OSBP: variants seen among roughly 807,000 people sequenced by gnomAD.
OSBP encodes the protein oxysterol binding protein.
In OSBP, 32 loss-of-function variants were observed where a neutral mutation model predicts 96.6. That is an observed-to-expected ratio of 0.33 (90% CI 0.25 to 0.45). The LOEUF is 0.45. Among genes scored for constraint, OSBP ranks in the 20% least tolerant of loss-of-function variants. The pLI, the probability that OSBP is intolerant of heterozygous loss-of-function variation, is 1.00. For missense variants in OSBP, 653 were observed against 1,029.7 expected, an observed-to-expected ratio of 0.63 and a Z score of 5.01; for synonymous variants, 369 against 389.6, an observed-to-expected ratio of 0.95 and a Z score of 0.62.
chr11:59,585,447 C>A (rs1250502760), intron 9 of OSBP, among the ~76,000 whole-genome samples: 1 of 151,752 alleles, frequency 6.6e-6, no homozygotes, highest in Non-Finnish European at 1.5e-5. Flanking sequence ...GCAGCCGCCC[C>A]GTCTGAGAAG....
chr11:59,576,938 C>T lies in OSBP; in HGVS notation c.2148G>A (p.Arg716=). 3 of 1,614,178 alleles carry T rather than the reference C, an allele frequency of 1.9e-6. No individual in the cohort carries two copies. The highest frequency in any genetic ancestry group is 1.7e-6 in the Non-Finnish European group (2 of 1,180,032). The change falls in exon 13 of 14, where the codon CGG becomes CGA. Residue 716 remains arginine, a synonymous_variant. Coordinates refer to ENST00000263847, the MANE Select transcript of OSBP (RefSeq NM_002556.3). ...CCATCAGTCTCTGGTCAGGTCGTAA[C>T]CGGCTGTCTGTGGGGGCAGTGCCAC... ...WESGTAPTDS[R]LRPDQRLMEN...
chr11:59,612,177 A>C (rs900791969), intron 1 of OSBP, among the ~76,000 whole-genome samples: 1 of 152,188 alleles, frequency 6.6e-6, no homozygotes, highest in Non-Finnish European at 1.5e-5. Flanking sequence ...TTGTTGTTCA[A>C]TTTTTCACAT....
rs1218870076 is a variant in OSBP at position 59,601,383 on chromosome 11, G to A, written c.1024C>T (p.Gln342Ter). ...TPGNVGSGKD[Q>*]CCSGKGDMSD... Reference sequence around the variant, plus strand: ...ATGTCCCCTTTGCCAGAGCAGCACTGATCTACAAGAAGAAAAGCCCCATTT... The same window carrying A: ...ATGTCCCCTTTGCCAGAGCAGCACTAATCTACAAGAAGAAAAGCCCCATTT... The change falls in exon 5 of 14, where the codon CAG becomes TAG. Residue 342 changes from glutamine (Q) to a stop codon, truncating the protein, a stop_gained and splice_region_variant. Transcript: ENST00000263847. LOFTEE classifies it high-confidence loss of function. The A allele has an allele frequency of 6.2e-7, 1 of 1,601,946 alleles. No individual in the cohort carries two copies. Among genetic ancestry groups the A allele is most frequent in the Non-Finnish European group, 8.5e-7 (1 of 1,171,124 alleles).
In OSBP at chr11:59,615,733, C is replaced by G; in HGVS notation, c.-69G>C. ...GAGCCGCCGTCGCCGCCCGGAGCGCCCCACACGGCTACCGCATCAGCCACC... is the reference window on the plus strand; with the variant it reads ...GAGCCGCCGTCGCCGCCCGGAGCGCGCCACACGGCTACCGCATCAGCCACC... On this transcript the variant is annotated 5_prime_UTR_variant, in exon 1 of 14. Coordinates refer to ENST00000263847, the MANE Select transcript of OSBP (RefSeq NM_002556.3). 2 of 1,240,866 alleles carry G rather than the reference C, an allele frequency of 1.6e-6. No homozygotes were observed. The highest frequency in any genetic ancestry group is 3.0e-5 in the South Asian group (1 of 33,726). The allele number at this position is 1,240,866 out of a possible 1,614,324, so 76.9% of individuals were successfully genotyped here. A position where few individuals can be genotyped will look rare whatever the true frequency, so the allele number is the denominator to read the frequency against.
intron 4 of OSBP, 101 bp from the exon 5 acceptor site, chr11:59,601,486 G>T: frequency 1.7e-6 from 2 of 1,155,402 alleles, no homozygotes; most frequent in Non-Finnish European, 2.6e-6. Flanking sequence ...AGCAAAAAAT[G>T]GTAGAAAGCA....
chr11:59,611,033 G>A (rs1377962480), intron 1 of OSBP, among the ~76,000 whole-genome samples: 1 of 151,274 alleles, frequency 6.6e-6, no homozygotes, highest in Non-Finnish European at 1.5e-5. Context: ...TACTCAGGAG[G>A]CTGAGGCAGG....
chr11:59,588,088 G>A (rs1290462209), intron 9 of OSBP, among the ~76,000 whole-genome samples: 6 of 152,132 alleles, frequency 3.9e-5, no homozygotes, highest in Non-Finnish European at 5.9e-5. Context: ...GCTACAACAC[G>A]GATGAACCTT....
rs202138602 is a variant in OSBP, at chr11:59,578,136, T to C, written c.2060+13A>G. The C allele has an allele frequency of 6.3e-5, 102 of 1,613,600 alleles. No homozygotes were observed. Among genetic ancestry groups the C allele is most frequent in the Non-Finnish European group, 7.5e-5 (89 of 1,179,628 alleles). On this transcript the variant is annotated intron_variant, in intron 12 of 13. Transcript: ENST00000263847. The stretch of plus-strand genomic sequence containing the variant: ...CAAAGTGGTATCTGGGCAGCATGCA[T>C]GCTGATACTCACGGTAAAGGATTCC...
chr11:59,601,954 A>G, intron 3 of OSBP, 116 bp from the exon 4 acceptor site: 1 of 836,976 alleles, frequency 1.2e-6, no homozygotes, highest in Admixed American at 2.8e-5. Flanking sequence ...AATTACAATG[A>G]AAGACTTTCC....
intron 10 of OSBP, among the ~76,000 whole-genome samples, chr11:59,580,969 C>T (rs971526192): frequency 4.6e-5 from 7 of 152,324 alleles, no homozygotes; most frequent in Middle Eastern, 3.4e-3. Context: ...TAAGAGAAAA[C>T]TGACAATTAA....
intron 9 of OSBP, among the ~76,000 whole-genome samples, chr11:59,584,277 C>A (rs775881501): frequency 2.6e-5 from 4 of 152,124 alleles, no homozygotes; most frequent in South Asian, 2.1e-4. Context: ...TCCTCCACTA[C>A]CATCTCATTC....
intron 5 of OSBP, 129 bp from the exon 6 acceptor site, chr11:59,601,002 C>A: frequency 1.4e-6 from 1 of 738,210 alleles, no homozygotes; most frequent in Admixed American, 2.5e-5. Context: ...CAAATGACGA[C>A]ATTTAGAGTA....
At chr11:59,600,355 T>C (rs1590675092) in intron 7 of OSBP, 141 bp downstream of exon 7, 3 of 849,098 alleles carry the variant, frequency 3.5e-6, no homozygotes, top group Non-Finnish European at 5.4e-6. Context: ...GCTAAATTTA[T>C]GGAACAGTTT....
chr11:59,603,915 C>T (rs1364964488), intron 3 of OSBP, among the ~76,000 whole-genome samples: 1 of 152,196 alleles, frequency 6.6e-6, no homozygotes, highest in African/African-American at 2.4e-5. Flanking sequence ...AATTAAGGGG[C>T]ATCCTTCTCT....
In OSBP at chr11:59,610,525, C is replaced by A. The variant is rs1226924510; in HGVS notation, c.427G>T (p.Val143Leu). ...ATGATGAAGTTGCAGGAGTCCTCCA[C>A]GGTGATGTTGGCTGTGGCGAGGTTG... is the stretch of plus-strand genomic sequence containing the variant. ...TINLATANIT[V>L]EDSCNFIISN... The change falls in exon 2 of 14, where the codon GTG becomes TTG. Residue 143 changes from valine (V) to leucine (L), a missense_variant. Transcript: ENST00000263847. 1 of 1,614,022 alleles carries A rather than the reference C, an allele frequency of 6.2e-7. No homozygotes were observed. The highest frequency in any genetic ancestry group is 8.5e-7 in the Non-Finnish European group (1 of 1,179,998).
rs1590671846 is a variant in OSBP, at chr11:59,592,833, C to T, written c.1678+771G>A. Among the ~76,000 whole-genome samples the T allele has an allele frequency of 2.0e-5, 3 of 150,172 alleles. No individual in the cohort carries two copies. The Admixed American group carries it at 2.0e-4, about 10-fold the overall frequency. ...TTTTTTGAGATAGAGTTTCACTCTA[C>T]AGTCCAGGCTGGAGTGCAATAGTGC... On this transcript the variant is annotated intron_variant, in intron 9 of 13. Coordinates refer to ENST00000263847, the MANE Select transcript of OSBP (RefSeq NM_002556.3).
chr11:59,600,934 G>T, intron 5 of OSBP, 61 bp from the exon 6 acceptor site: 2 of 1,426,882 alleles, frequency 1.4e-6, no homozygotes, highest in South Asian at 2.3e-5. Context: ...TGTGGTCCTG[G>T]ACATTTCTTT....
In OSBP at chr11:59,601,324, A is replaced by G; in HGVS notation, c.1083T>C (p.Asp361=). ...CAGGCATGGTGATGATCTCAGGTGC[A>G]TCAAAAAATTCATTCTCATCATCTT... The part of the protein sequence containing the change: ...SDEDDENEFF[D]APEIITMPEN... The change falls in exon 5 of 14, where the codon GAT becomes GAC. Residue 361 remains aspartate (D), a synonymous_variant. Transcript: ENST00000263847. 2 of 1,613,694 alleles carry G rather than the reference A, an allele frequency of 1.2e-6. No individual in the cohort carries two copies. The highest frequency in any genetic ancestry group is 1.7e-6 in the Non-Finnish European group (2 of 1,179,622).
intron 10 of OSBP, among the ~76,000 whole-genome samples, chr11:59,580,780 A>T (rs1311348046): frequency 2.0e-5 from 3 of 152,088 alleles, no homozygotes; most frequent in Non-Finnish European, 2.9e-5. Flanking sequence ...TGGCCTCCCA[A>T]GGTGTTGGGA....
Sources: gnomAD v4.1 joint callset for allele counts (sites outside exome capture counted in the v4.1 genomes callset) on GRCh38, gnomAD v4.1.1 for gene constraint, MANE v1.5 for transcripts, NCBI Gene and HGNC (gene_info 2026-07-23, HGNC 2026-07-21) for gene names.